The following TAFA2 variants were observed in gnomAD, a reference collection of about 807,000 sequenced individuals.
The protein encoded by TAFA2 is TAFA chemokine like family member 2, also known as chemokine-like protein TAFA-2.
TAFA2 carries 7 observed loss-of-function variants against 18.8 expected under a neutral mutation model. The observed-to-expected ratio is 0.37, with a 90% CI of 0.21 to 0.70. The LOEUF (loss-of-function observed/expected upper bound fraction) is 0.70, where lower values mean the gene tolerates loss of function less well. TAFA2 is among the 30% of genes least tolerant of loss of function. The pLI is 0.53. For synonymous variants in TAFA2, 60 were observed against 54.2 expected (o/e 1.11, Z -0.47); for missense variants, 122 against 158.1 (o/e 0.77, Z 1.23).
intron 2 of TAFA2, among the ~76,000 whole-genome samples, chr12:61,811,404 A>T (rs1444057777): frequency 6.6e-6 from 1 of 151,436 alleles, no homozygotes; most frequent in East Asian, 1.9e-4. Context: ...AATTAAAGAA[A>T]CTATTAAGAA....
At chr12:61,755,913 A>G (rs1331116365) in intron 2 of TAFA2, among the ~76,000 whole-genome samples, 1 of 152,144 alleles carries the variant, frequency 6.6e-6, no homozygotes, top group East Asian at 1.9e-4. Flanking sequence ...TGCTAAAATT[A>G]AAAACAGCTT....
intron 1 of TAFA2, among the ~76,000 whole-genome samples, chr12:62,080,101 C>G (rs1053679694): frequency 1.3e-5 from 2 of 152,190 alleles, no homozygotes; most frequent in Admixed American, 6.5e-5. Flanking sequence ...GAACTGTGGT[C>G]CCCAATTCAT....
In TAFA2 at chr12:62,060,268, A is replaced by C. The variant is rs544624584; in HGVS notation, c.-2+130991T>G. ...TTGCAAATAATAAATACAATCATGCATCACATAATGACATTTTGGTCAACA... is the reference window on the plus strand; with the variant it reads ...TTGCAAATAATAAATACAATCATGCCTCACATAATGACATTTTGGTCAACA... On this transcript the variant is annotated intron_variant, in intron 1 of 4. Transcript: ENST00000416284. Among the ~76,000 whole-genome samples the C allele has an allele frequency of 2.0e-5, 3 of 152,324 alleles. No homozygotes were observed. The East Asian group carries it at 5.8e-4, about 29-fold the overall frequency.
At chr12:62,182,396 G>A (rs1270526917) in intron 1 of TAFA2, among the ~76,000 whole-genome samples, 1 of 152,190 alleles carries the variant, frequency 6.6e-6, no homozygotes, top group African/African-American at 2.4e-5. Flanking sequence ...GGAGAAACCT[G>A]TCAAAGGGGT....
intron 1 of TAFA2, among the ~76,000 whole-genome samples, chr12:62,118,238 A>G (rs1000264435): frequency 6.6e-6 from 1 of 152,152 alleles, no homozygotes; most frequent in Admixed American, 6.5e-5. Context: ...TGGTATCATT[A>G]ATTTTTTAGA....
intron 1 of TAFA2, among the ~76,000 whole-genome samples, chr12:62,096,657 TACAATGCA>T (rs1868965218): frequency 6.6e-6 from 1 of 152,114 alleles, no homozygotes. Flanking sequence ...TTCTAAAGCA[TACAATGCA>T]ATTTCCAAAA....
intron 1 of TAFA2, among the ~76,000 whole-genome samples, chr12:62,009,051 A>C (rs1289715472): frequency 6.6e-6 from 1 of 152,210 alleles, no homozygotes; most frequent in East Asian, 1.9e-4. Context: ...AGGAGGGAGA[A>C]TCTTTTAGCC....
chr12:62,033,139 T>C (rs1392765599), intron 1 of TAFA2, among the ~76,000 whole-genome samples: 1 of 152,158 alleles, frequency 6.6e-6, no homozygotes, highest in East Asian at 1.9e-4. Context: ...CTCAAGCTGT[T>C]ACCCTTGCTT....
chr12:62,240,776 A>C (rs1207691166), intron 1 of TAFA2, among the ~76,000 whole-genome samples: 1 of 152,168 alleles, frequency 6.6e-6, no homozygotes, highest in African/African-American at 2.4e-5. Context: ...CAGACTGCAG[A>C]GCAGGAAGTG....
At chr12:61,720,926 T>C (rs1478269642) in intron 4 of TAFA2, 1 of 517,976 alleles carries the variant, frequency 1.9e-6, no homozygotes, top group Non-Finnish European at 3.9e-6. Flanking sequence ...CACGTTTGCC[T>C]AAGGAACAAA....
intron 4 of TAFA2, among the ~76,000 whole-genome samples, chr12:61,717,028 A>G (rs1869689550): frequency 1.3e-5 from 2 of 152,246 alleles, no homozygotes; most frequent in Non-Finnish European, 2.9e-5. Flanking sequence ...CCTTTCTTTG[A>G]ATATAATTGC....
At chr12:62,154,935 G>A (rs1266348927) in intron 1 of TAFA2, among the ~76,000 whole-genome samples, 5 of 152,132 alleles carry the variant, frequency 3.3e-5, no homozygotes, top group Non-Finnish European at 5.9e-5. Context: ...AGTACTGGAA[G>A]TCCTAGCCAG....
At chr12:62,203,438 G>A (rs2062679925) in intron 1 of TAFA2, among the ~76,000 whole-genome samples, 2 of 152,334 alleles carry the variant, frequency 1.3e-5, no homozygotes, top group African/African-American at 2.4e-5. Context: ...ACAGTGGGGT[G>A]TTAAAGTCTC....
At chr12:62,204,899 AG>A (rs1307147325) in intron 1 of TAFA2, among the ~76,000 whole-genome samples, 9 of 152,138 alleles carry the variant, frequency 5.9e-5, no homozygotes, top group Admixed American at 5.2e-4. Flanking sequence ...TTGGAGGAGA[AG>A]AGGTATTCTG....
At chr12:61,894,213 G>A (rs1028767843) in intron 1 of TAFA2, among the ~76,000 whole-genome samples, 1 of 152,166 alleles carries the variant, frequency 6.6e-6, no homozygotes, top group African/African-American at 2.4e-5. Flanking sequence ...CCAAAGTTGA[G>A]GTTTTTCTAA....
At chr12:61,851,386 G>C (rs904632597) in intron 2 of TAFA2, among the ~76,000 whole-genome samples, 1 of 152,156 alleles carries the variant, frequency 6.6e-6, no homozygotes, top group Non-Finnish European at 1.5e-5. Context: ...TTGCCAAAAA[G>C]AAGCTCTGGA....
chr12:61,793,195 G>A (rs928612075), intron 2 of TAFA2, among the ~76,000 whole-genome samples: 4 of 151,304 alleles, frequency 2.6e-5, no homozygotes, highest in Admixed American at 1.3e-4. Context: ...TTCATCTTAA[G>A]AAACTGTAAA....
intron 1 of TAFA2, among the ~76,000 whole-genome samples, chr12:61,994,693 AT>A (rs1025549787): frequency 6.6e-6 from 1 of 151,804 alleles, no homozygotes; most frequent in Non-Finnish European, 1.5e-5. Flanking sequence ...TCCCTTCCTC[AT>A]TTTTTTATAT....
At chr12:61,923,454 T>C (rs1877145482) in intron 1 of TAFA2, among the ~76,000 whole-genome samples, 1 of 152,198 alleles carries the variant, frequency 6.6e-6, no homozygotes, top group African/African-American at 2.4e-5. Flanking sequence ...AAACAGTCTC[T>C]GGAGTGGACC....
Sources: gnomAD v4.1 joint callset for allele counts (sites outside exome capture counted in the v4.1 genomes callset) on GRCh38, gnomAD v4.1.1 for gene constraint, MANE v1.5 for transcripts, NCBI Gene and HGNC (gene_info 2026-07-23, HGNC 2026-07-21) for gene names.